The following KCNMA1 variants were observed in gnomAD, a reference collection of about 807,000 sequenced individuals.
KCNMA1 encodes the protein Calcium-activated potassium channel subunit alpha-1.
KCNMA1 carries 29 observed loss-of-function variants against 140.0 expected under a neutral mutation model. The ratio of observed to expected loss-of-function variants is 0.21; its 90% CI spans 0.15 to 0.28. The LOEUF (loss-of-function observed/expected upper bound fraction) is 0.28. KCNMA1 is among the 10% of genes least tolerant of loss of function. KCNMA1 has a pLI of 1.00. For synonymous variants in KCNMA1, 612 were observed against 611.9 expected (o/e 1.00, Z 0.00); for missense variants, 880 against 1,602.2 (o/e 0.55, Z 7.70).
intron 9 of KCNMA1, among the ~76,000 whole-genome samples, chr10:77,104,973 G>A (rs2097171717): frequency 6.6e-6 from 1 of 152,148 alleles, no homozygotes; most frequent in Admixed American, 6.5e-5. Flanking sequence ...CTGCAGGAGG[G>A]CTCCCTTATG....
chr10:77,571,535 C>A (rs2071322747), intron 1 of KCNMA1, among the ~76,000 whole-genome samples: 1 of 152,200 alleles, frequency 6.6e-6, no homozygotes, highest in Admixed American at 6.5e-5. Flanking sequence ...CTTTGGCAAG[C>A]CAAAGCCAAA....
chr10:77,516,097 G>A (rs2050320203), intron 1 of KCNMA1, among the ~76,000 whole-genome samples: 1 of 152,158 alleles, frequency 6.6e-6, no homozygotes, highest in Non-Finnish European at 1.5e-5. Context: ...CCACTGAGAT[G>A]AATTTGACAT....
chr10:77,498,150 G>T (rs771313262), intron 1 of KCNMA1, among the ~76,000 whole-genome samples: 1 of 152,180 alleles, frequency 6.6e-6, no homozygotes, highest in South Asian at 2.1e-4. Context: ...GGGCAGCTTT[G>T]CTCCCTGAGA....
At chr10:77,544,137 CAT>C (rs1290532702) in intron 1 of KCNMA1, among the ~76,000 whole-genome samples, 2 of 138,374 alleles carry the variant, frequency 1.4e-5, no homozygotes, top group African/African-American at 5.6e-5. Flanking sequence ...CTGTGATCTA[CAT>C]ATCTTTCCAG....
At chr10:77,597,649 T>C (rs1366097069) in intron 1 of KCNMA1, among the ~76,000 whole-genome samples, 1 of 152,136 alleles carries the variant, frequency 6.6e-6, no homozygotes, top group Non-Finnish European at 1.5e-5. Context: ...TCCAATTCCT[T>C]CCCCTCCTTC....
intron 3 of KCNMA1, among the ~76,000 whole-genome samples, chr10:77,228,238 T>C (rs560305): frequency 0.7 from 105,741 of 151,770 alleles, 37,354 homozygotes; most frequent in East Asian, 0.95. Context: ...GTGCTGGGAT[T>C]ACAGGCGTGA....
At chr10:77,417,832 A>C (rs1434850144) in intron 1 of KCNMA1, among the ~76,000 whole-genome samples, 1 of 152,182 alleles carries the variant, frequency 6.6e-6, no homozygotes, top group African/African-American at 2.4e-5. Flanking sequence ...GATGATCCCC[A>C]TTCAGGAAAC....
intron 5 of KCNMA1, among the ~76,000 whole-genome samples, chr10:77,182,818 T>C (rs747477875): frequency 1.3e-5 from 2 of 152,144 alleles, no homozygotes; most frequent in Non-Finnish European, 2.9e-5. Context: ...CTGGTCAAGT[T>C]ACTTTCTCCA....
chr10:76,870,166 G>A (rs2030976467), exon 28 of KCNMA1: 1 of 152,752 alleles, frequency 6.5e-6, no homozygotes, highest in African/African-American at 2.4e-5. Flanking sequence ...GGGGCAGATG[G>A]GACTCTGGTT....
chr10:77,168,325 C>T (rs907106136), intron 5 of KCNMA1, among the ~76,000 whole-genome samples: 1 of 152,110 alleles, frequency 6.6e-6, no homozygotes, highest in East Asian at 1.9e-4. Flanking sequence ...CCAATACCTG[C>T]CACAAAATAT....
At chr10:77,631,702 A>T (rs1239917933) in intron 1 of KCNMA1, among the ~76,000 whole-genome samples, 3 of 152,194 alleles carry the variant, frequency 2.0e-5, no homozygotes, top group Admixed American at 2.0e-4. Flanking sequence ...GCCACCAATG[A>T]ATGTCCCCAT....
chr10:77,095,429 C>T (rs1227651601), intron 9 of KCNMA1, among the ~76,000 whole-genome samples: 1 of 152,126 alleles, frequency 6.6e-6, no homozygotes, highest in Non-Finnish European at 1.5e-5. Flanking sequence ...AAATAGTATC[C>T]AACGGCACTT....
chr10:76,965,608 A>G (rs2073594624), intron 20 of KCNMA1, among the ~76,000 whole-genome samples: 1 of 152,166 alleles, frequency 6.6e-6, no homozygotes, highest in African/African-American at 2.4e-5. Flanking sequence ...AGGCCACTCC[A>G]AAGACCCCTG....
At chr10:77,574,624 C>T (rs545635320) in intron 1 of KCNMA1, among the ~76,000 whole-genome samples, 2 of 152,308 alleles carry the variant, frequency 1.3e-5, no homozygotes, top group Admixed American at 6.5e-5. Context: ...ACCACTAGGG[C>T]ATTTATCTAA....
intron 5 of KCNMA1, among the ~76,000 whole-genome samples, chr10:77,141,648 A>G (rs1363041858): frequency 6.6e-6 from 1 of 152,238 alleles, no homozygotes; most frequent in Non-Finnish European, 1.5e-5. Context: ...TATCTTGTTA[A>G]GGCAGCCCAG....
chr10:77,190,130 C>T (rs532180642), intron 3 of KCNMA1, among the ~76,000 whole-genome samples: 16 of 152,228 alleles, frequency 1.1e-4, no homozygotes, highest in Admixed American at 5.9e-4. Context: ...GGGCAGTCTT[C>T]GAGGCCAACC....
In KCNMA1 at chr10:77,119,196, C is replaced by T. The variant is rs149053356; in HGVS notation, c.884+1777G>A. 3.3e-5 allele frequency among the ~76,000 whole-genome samples: 5 copies of T among 152,276 alleles called. 1 individual carries two copies. Among genetic ancestry groups the T allele is most frequent in the Admixed American group, 2.6e-4 (4 of 15,296 alleles). On this transcript the variant is annotated intron_variant, in intron 6 of 27. Transcript: ENST00000286628. ...CACCAGGGATCCCACAGCCACTTCC[C>T]GCATCCAAAGGAAAGAGAGGTGAGT...
chr10:77,055,227 A>G (rs1472006352), intron 14 of KCNMA1, among the ~76,000 whole-genome samples: 1 of 152,182 alleles, frequency 6.6e-6, no homozygotes, highest in African/African-American at 2.4e-5. Flanking sequence ...ATTGAGAATA[A>G]ACAATGGCAG....
intron 25 of KCNMA1, among the ~76,000 whole-genome samples, chr10:76,892,874 C>T (rs186395948): frequency 6.6e-6 from 1 of 152,264 alleles, no homozygotes; most frequent in African/African-American, 2.4e-5. Flanking sequence ...ACTAGCGGGG[C>T]TGGATTCACA....
Sources: gnomAD v4.1 joint callset for allele counts (sites outside exome capture counted in the v4.1 genomes callset) on GRCh38, gnomAD v4.1.1 for gene constraint, MANE v1.5 for transcripts, NCBI Gene and HGNC (gene_info 2026-07-23, HGNC 2026-07-21) for gene names.